The following L3MBTL2 variants were observed in gnomAD, a reference collection of about 807,000 sequenced individuals.
L3MBTL2 encodes lethal(3)malignant brain tumor-like protein 2.
Under a neutral mutation model 86.4 loss-of-function variants are expected in L3MBTL2, and 49 were observed. The observed-to-expected ratio is 0.57, with a 90% CI of 0.45 to 0.72. The LOEUF is 0.72. Among genes scored for constraint, L3MBTL2 ranks in the 30% least tolerant of loss-of-function variants. L3MBTL2 has a pLI of 0.00. For missense variants in L3MBTL2, 755 were observed against 923.7 expected (o/e 0.82, Z 2.37); for synonymous variants, 336 against 350.6 (o/e 0.96, Z 0.47).
intron 1 of L3MBTL2, among the ~76,000 whole-genome samples, chr22:41,206,995 A>C (rs759333739): frequency 1.3e-5 from 2 of 152,196 alleles, no homozygotes; most frequent in African/African-American, 2.4e-5. Context: ...ATCTTATCTC[A>C]ATCTTCGTAA....
rs150087974 is a variant in L3MBTL2, at chr22:41,209,905, C to T, written c.234C>T (p.Arg78=). 1.8e-4 allele frequency: 283 copies of T among 1,613,798 alleles called. No homozygotes were observed. Among genetic ancestry groups the T allele is most frequent in the South Asian group, 1.8e-4 (16 of 91,072 alleles). Residue 78 remains arginine, a synonymous_variant, in exon 2 of 17, where the codon CGC becomes CGT. Transcript: ENST00000216237. ...PLHLLSPGTP[R]SLDGSGSEPA... is the part of the protein sequence containing the mutation. Reference sequence around the variant, plus strand: ...ATTTGCTCAGCCCTGGGACTCCTCGCTCCTTGGATGGCAGTGGTTCTGAGC... The same window carrying T: ...ATTTGCTCAGCCCTGGGACTCCTCGTTCCTTGGATGGCAGTGGTTCTGAGC...
chr22:41,210,843 G>A (rs2145570333), intron 2 of L3MBTL2, among the ~76,000 whole-genome samples: 1 of 152,326 alleles, frequency 6.6e-6, no homozygotes, highest in African/African-American at 2.4e-5. Flanking sequence ...ATGCCACTGA[G>A]TAGCATGGTG....
chr22:41,229,426 C>A, intron 15 of L3MBTL2, 114 bp from the exon 16 acceptor site: 2 of 1,211,296 alleles, frequency 1.7e-6, no homozygotes, highest in East Asian at 2.4e-5. Context: ...TTTCTGTCCC[C>A]AAACTGGCAC....
chr22:41,219,643 ACCCAC>A, intron 6 of L3MBTL2, 107 bp downstream of exon 6: 1 of 696,918 alleles, frequency 1.4e-6, no homozygotes, highest in Non-Finnish European at 2.5e-6. Context: ...CAAAAATCCC[ACCCAC>A]TGGAATTTTT....
In L3MBTL2 at chr22:41,224,195, CCCTGAT is replaced by C; in HGVS notation, c.1121_1126del (p.Leu374_Ile375del). 1 of 1,614,012 alleles carries C rather than the reference CCCTGAT, an allele frequency of 6.2e-7. No homozygotes were observed. The highest frequency in any genetic ancestry group is 8.5e-7 in the Non-Finnish European group (1 of 1,179,994). Reference sequence around the variant, plus strand: ...GACTTCTGGTGCCACATGTGGAGCCCCCTGATCCACCCAGTGGGTTGGTCACGACGT... The same window carrying C: ...GACTTCTGGTGCCACATGTGGAGCCCCCACCCAGTGGGTTGGTCACGACGT... On this transcript the variant is annotated inframe_deletion, in exon 9 of 17. Coordinates refer to ENST00000216237, the MANE Select transcript of L3MBTL2 (RefSeq NM_031488.5). This position sits in a 1 kb window ranked among gnomAD's most constrained non-coding sequence, Gnocchi z 4.9.
At chr22:41,214,960 G>A (rs981970485) in intron 3 of L3MBTL2, among the ~76,000 whole-genome samples, 11 of 151,768 alleles carry the variant, frequency 7.2e-5, no homozygotes, top group Non-Finnish European at 8.8e-5. Flanking sequence ...GCAGTGAGCC[G>A]AGATCGTGCC....
At position 41,230,182 on chromosome 22, in the gene L3MBTL2, G is replaced by A. The variant is rs199544355; in HGVS notation, c.2049G>A (p.Ser683=). ...RVKEEHLDVA[S]PDKASSPELP... ...AGGAAGAGCATCTAGACGTGGCCTC[G>A]CCCGACAAGGCTTCAAGTCCAGAGC... The change falls in exon 17 of 17, where the codon TCG becomes TCA. Residue 683 remains serine, a synonymous_variant. Coordinates refer to ENST00000216237, the MANE Select transcript of L3MBTL2 (RefSeq NM_031488.5). 498 of 1,578,208 alleles carry A rather than the reference G, an allele frequency of 3.2e-4. No individual in the cohort carries two copies. The highest frequency in any genetic ancestry group is 4.1e-4 in the Non-Finnish European group (474 of 1,158,670).
chr22:41,219,169 G>C, intron 5 of L3MBTL2: 1 of 402,688 alleles, frequency 2.5e-6, no homozygotes, highest in South Asian at 2.7e-5. Flanking sequence ...AAAGATTTTA[G>C]GACTCGGTTC....
chr22:41,206,671 C>T (rs1334627969), intron 1 of L3MBTL2, among the ~76,000 whole-genome samples: 1 of 152,000 alleles, frequency 6.6e-6, no homozygotes. Flanking sequence ...TGGTGGCAGG[C>T]ACCTGTAGTC....
At chr22:41,211,296 G>A (rs2030759760) in intron 2 of L3MBTL2, among the ~76,000 whole-genome samples, 1 of 152,088 alleles carries the variant, frequency 6.6e-6, no homozygotes, top group African/African-American at 2.4e-5. Flanking sequence ...GACCTCCTGG[G>A]CTCAGGCAAT....
At chr22:41,214,143 GTATT>G (rs2031140666) in intron 3 of L3MBTL2, 117 bp downstream of exon 3, 2 of 1,017,038 alleles carry the variant, frequency 2.0e-6, no homozygotes, top group Non-Finnish European at 2.9e-6. Context: ...TGGCCAGCTG[GTATT>G]TATTATGTTC....
chr22:41,222,797 G>C (rs184060094), intron 8 of L3MBTL2, among the ~76,000 whole-genome samples: 33 of 152,328 alleles, frequency 2.2e-4, no homozygotes, highest in Non-Finnish European at 2.2e-4. Flanking sequence ...GCATGCGCCT[G>C]TAATCCCAGC....
chr22:41,209,782 C>T lies in L3MBTL2; in HGVS notation c.111C>T (p.Asn37=). 2.5e-6 allele frequency: 4 copies of T among 1,614,176 alleles called. No homozygotes were observed. Among genetic ancestry groups the T allele is most frequent in the Non-Finnish European group, 3.4e-6 (4 of 1,180,036 alleles). ...FGGYDSFRSY[N]SSVGSESSSY... ...GCTATGATAGTTTCCGGAGTTATAACAGCAGTGTGGGCAGTGAGAGCAGCT... is the reference window on the plus strand; with the variant it reads ...GCTATGATAGTTTCCGGAGTTATAATAGCAGTGTGGGCAGTGAGAGCAGCT... The change falls in exon 2 of 17, where the codon AAC becomes AAT. Residue 37 remains asparagine (N), a synonymous_variant. Coordinates refer to ENST00000216237, the MANE Select transcript of L3MBTL2 (RefSeq NM_031488.5).
Position 41,225,794 on chromosome 22 carries a change from G to C in L3MBTL2, c.1357G>C (p.Val453Leu), listed in dbSNP as rs2032144634. Reference protein sequence around the residue: ...GNICVATVCKVLLDGYLMICV... With the variant: ...GNICVATVCKLLLDGYLMICV... ...TCTGCCTGCTCCCCCCACCCCCCAG[G>C]TTCTCCTGGATGGATACCTGATGAT... The change falls in exon 12 of 17, where the codon GTT (valine) becomes CTT (leucine). Residue 453 changes from valine to leucine, a missense_variant and splice_region_variant. Transcript: ENST00000216237. This position sits in a 1 kb window ranked among gnomAD's most constrained non-coding sequence, Gnocchi z 4.1. The C allele has an allele frequency of 1.2e-6, 2 of 1,607,146 alleles. No homozygotes were observed. The highest frequency in any genetic ancestry group is 1.7e-5 in the Admixed American group (1 of 59,740).
chr22:41,228,677 C>T (rs1021703911), intron 15 of L3MBTL2, among the ~76,000 whole-genome samples: 3 of 152,106 alleles, frequency 2.0e-5, no homozygotes, highest in Non-Finnish European at 1.5e-5. Flanking sequence ...TGGCGAAACC[C>T]CGTCTCTACT....
In L3MBTL2 at chr22:41,217,203, G is replaced by A. The variant is rs746220218; in HGVS notation, c.600+1G>A. On this transcript the variant is annotated splice_donor_variant, in intron 5 of 16. Transcript: ENST00000216237. LOFTEE classifies it high-confidence loss of function. ...TGCTCCCGTCAGCTGTTTCAAGCAC[G>A]TGAGTGCCCTGGAGCTGAGGGAGGG... 1.2e-6 allele frequency: 2 copies of A among 1,611,510 alleles called. No homozygotes were observed. The highest frequency in any genetic ancestry group is 8.5e-7 in the Non-Finnish European group (1 of 1,178,830).
At chr22:41,219,726 AT>A (rs1312036793) in intron 6 of L3MBTL2, among the ~76,000 whole-genome samples, 190 bp downstream of exon 6, 2 of 151,764 alleles carry the variant, frequency 1.3e-5, no homozygotes, top group Non-Finnish European at 2.9e-5. Flanking sequence ...GAAACCCCAA[AT>A]TTTTTTGTTT....
chr22:41,208,204 T>C (rs1267749468), intron 1 of L3MBTL2: 1 of 332,716 alleles, frequency 3.0e-6, no homozygotes, highest in Admixed American at 4.1e-5. Flanking sequence ...TGGTTATGGC[T>C]CACTACAGCC....
Position 41,216,260 on chromosome 22 carries a change from A to T in L3MBTL2, c.518A>T (p.Asp173Val), listed in dbSNP as rs554400330. The change falls in exon 4 of 17, where the codon GAC becomes GTC. Residue 173 changes from aspartate (D) to valine (V), a missense_variant and splice_region_variant. By Grantham distance (152) the Asp-to-Val change is radical. Coordinates refer to ENST00000216237, the MANE Select transcript of L3MBTL2 (RefSeq NM_031488.5). The stretch of plus-strand genomic sequence containing the variant: ...GCAGATGGGACACCAACAGGACAAG[A>T]CGGTAAGATAGCAGAGGGCCCTGCT... ...QLADGTPTGQDALVLGFDWGK... is the reference protein window; with the variant it reads ...QLADGTPTGQVALVLGFDWGK... 2 of 1,613,492 alleles carry T rather than the reference A, an allele frequency of 1.2e-6. No homozygotes were observed. Among genetic ancestry groups the T allele is most frequent in the South Asian group, 1.1e-5 (1 of 91,066 alleles).
Sources: gnomAD v4.1 joint callset for allele counts (sites outside exome capture counted in the v4.1 genomes callset) on GRCh38, gnomAD v4.1.1 for gene constraint, Gnocchi (gnomAD v3.1) non-coding constraint, MANE v1.5 for transcripts, NCBI Gene and HGNC (gene_info 2026-07-23, HGNC 2026-07-21) for gene names.